FRMD5: variants seen among roughly 807,000 people sequenced by gnomAD.
FRMD5 encodes FERM domain containing 5.
A neutral mutation model predicts 69.0 loss-of-function variants in FRMD5; 20 were observed. The ratio of observed to expected loss-of-function variants is 0.29; its 90% CI spans 0.20 to 0.42. The LOEUF (loss-of-function observed/expected upper bound fraction) is 0.42, where lower values mean the gene tolerates loss of function less well. Ranked by LOEUF, FRMD5 falls within the 10% of genes least tolerant of loss-of-function variation. FRMD5 has a pLI of 1.00. For synonymous variants in FRMD5, 271 were observed against 260.1 expected, an observed-to-expected ratio of 1.04 and a Z score of -0.40; for missense variants, 595 against 708.6, an observed-to-expected ratio of 0.84 and a Z score of 1.82.
chr15:44,050,823 A>C (rs1052483860), intron 1 of FRMD5, among the ~76,000 whole-genome samples: 1 of 150,868 alleles, frequency 6.6e-6, no homozygotes. Flanking sequence ...ACACTCAGCT[A>C]ATTTTTGTAT....
chr15:44,092,493 G>C (rs1280415546), intron 1 of FRMD5, among the ~76,000 whole-genome samples: 1 of 152,108 alleles, frequency 6.6e-6, no homozygotes, highest in African/African-American at 2.4e-5. Context: ...ACACACAGTT[G>C]TTGTTGTCAT....
chr15:43,976,642 C>A (rs1474852744), intron 1 of FRMD5, among the ~76,000 whole-genome samples: 1 of 152,120 alleles, frequency 6.6e-6, no homozygotes, highest in Non-Finnish European at 1.5e-5. Context: ...TGATTGCTTA[C>A]AAGCTGACGT....
intron 1 of FRMD5, among the ~76,000 whole-genome samples, chr15:43,935,533 T>C (rs760847988): frequency 1.4e-4 from 21 of 151,996 alleles, no homozygotes; most frequent in Non-Finnish European, 2.8e-4. Flanking sequence ...GAAATGTATG[T>C]CTTAATGTGC....
chr15:43,980,247 G>A (rs997114012), intron 1 of FRMD5, among the ~76,000 whole-genome samples: 2 of 152,132 alleles, frequency 1.3e-5, no homozygotes, highest in Non-Finnish European at 2.9e-5. Context: ...CTTAAATATA[G>A]GTAGAACCTC....
intron 1 of FRMD5, among the ~76,000 whole-genome samples, chr15:43,994,911 G>A (rs547880667): frequency 1.4e-4 from 22 of 152,242 alleles, no homozygotes; most frequent in East Asian, 5.8e-4. Flanking sequence ...CCGTTCAGCC[G>A]TTTTCATAAG....
At chr15:43,923,837 G>A (rs895911268) in intron 2 of FRMD5, among the ~76,000 whole-genome samples, 1 of 152,202 alleles carries the variant, frequency 6.6e-6, no homozygotes, top group African/African-American at 2.4e-5. Flanking sequence ...CACCTTTGGT[G>A]AGGCCTTTCC....
intron 1 of FRMD5, among the ~76,000 whole-genome samples, chr15:44,058,102 C>T (rs1392104665): frequency 6.6e-6 from 1 of 152,150 alleles, no homozygotes; most frequent in African/African-American, 2.4e-5. Flanking sequence ...TTAACCAAAT[C>T]TCACAAATCC....
chr15:44,014,829 C>G (rs1231780265), intron 1 of FRMD5, among the ~76,000 whole-genome samples: 1 of 152,168 alleles, frequency 6.6e-6, no homozygotes, highest in Non-Finnish European at 1.5e-5. Context: ...ACCCTGAAAG[C>G]TATATGAGCA....
intron 1 of FRMD5, 54 bp from the exon 2 acceptor site, chr15:43,924,363 T>A: frequency 8.5e-7 from 1 of 1,171,374 alleles, no homozygotes; most frequent in Non-Finnish European, 1.2e-6. Flanking sequence ...CAGTGTAACT[T>A]TTTTTTTTTT....
chr15:43,916,925 T>C (rs1476758776), intron 4 of FRMD5, among the ~76,000 whole-genome samples: 1 of 151,662 alleles, frequency 6.6e-6, no homozygotes, highest in Non-Finnish European at 1.5e-5. Context: ...ATTAAAGGTG[T>C]GCACCACCAC....
At chr15:44,039,502 C>T (rs2062491560) in intron 1 of FRMD5, among the ~76,000 whole-genome samples, 1 of 152,238 alleles carries the variant, frequency 6.6e-6, no homozygotes. Context: ...TGCTGTTCTG[C>T]AGCCTCCACT....
chr15:43,978,899 T>A (rs1412291578), intron 1 of FRMD5, among the ~76,000 whole-genome samples: 2 of 152,310 alleles, frequency 1.3e-5, no homozygotes, highest in African/African-American at 4.8e-5. Context: ...CTCTGTTGGA[T>A]AAATATAGAT....
chr15:43,927,771 A>C (rs1028994464), intron 1 of FRMD5, among the ~76,000 whole-genome samples: 1 of 151,934 alleles, frequency 6.6e-6, no homozygotes, highest in African/African-American at 2.4e-5. Context: ...CACAAACACT[A>C]CTACAGTATG....
Position 44,083,529 on chromosome 15 carries a change from G to A in FRMD5, c.102+111424C>T, listed in dbSNP as rs539670570. Among the ~76,000 whole-genome samples the A allele has an allele frequency of 6.6e-4, 100 of 152,076 alleles. 2 individuals are homozygous for A. In the South Asian group the frequency reaches 0.02, roughly 30 times the overall value. On this transcript the variant is annotated intron_variant, in intron 1 of 13. Transcript: ENST00000417257. ...ACTACTGGCTGATATACACCTAGCCGAGCTTCAACTGAACCCAGGATTTTT... is the reference window on the plus strand; with the variant it reads ...ACTACTGGCTGATATACACCTAGCCAAGCTTCAACTGAACCCAGGATTTTT...
chr15:43,929,416 C>A (rs897886452), intron 1 of FRMD5, among the ~76,000 whole-genome samples: 1 of 152,168 alleles, frequency 6.6e-6, no homozygotes, highest in Admixed American at 6.5e-5. Flanking sequence ...TCATTAGGCT[C>A]CACTTTATTC....
chr15:43,914,713 AG>A (rs899424996), intron 4 of FRMD5, among the ~76,000 whole-genome samples: 16 of 128,232 alleles, frequency 1.2e-4, no homozygotes, highest in African/African-American at 5.8e-4. Flanking sequence ...CAACTCTATG[AG>A]GTGACTACCT....
intron 1 of FRMD5, among the ~76,000 whole-genome samples, chr15:44,121,529 A>G (rs1023329669): frequency 5.3e-5 from 8 of 152,226 alleles, no homozygotes; most frequent in South Asian, 2.1e-4. Flanking sequence ...GTAGTCCCCA[A>G]TGAGTAGACA....
intron 1 of FRMD5, among the ~76,000 whole-genome samples, chr15:44,136,571 A>G (rs1002041907): frequency 2.6e-5 from 4 of 152,186 alleles, no homozygotes. Flanking sequence ...GATCATATTA[A>G]TTCATCATAG....
chr15:43,949,524 A>G (rs772826399), intron 1 of FRMD5, among the ~76,000 whole-genome samples: 3 of 152,216 alleles, frequency 2.0e-5, no homozygotes, highest in African/African-American at 4.8e-5. Context: ...ACTGAATTAA[A>G]CAAATGGTCC....
Sources: allele counts gnomAD v4.1 joint callset (sites outside exome capture counted in the v4.1 genomes callset), GRCh38; gene constraint gnomAD v4.1.1; transcripts MANE v1.5; gene names NCBI Gene and HGNC (gene_info 2026-07-23, HGNC 2026-07-21).